Variants in WWC2 observed in about 807,000 individuals in gnomAD.
WWC2 encodes protein WWC2.
Under a neutral mutation model 138.5 loss-of-function variants are expected in WWC2, and 101 were observed. That is an observed-to-expected ratio of 0.73 (90% CI 0.62 to 0.86). The LOEUF is 0.86. WWC2 is among the 40% of genes least tolerant of loss of function. The pLI, the probability that WWC2 is intolerant of heterozygous loss-of-function variation, is 0.00. For missense variants in WWC2, 1,420 were observed against 1,419.4 expected (o/e 1.00, Z -0.01); for synonymous variants, 558 against 538.4 (o/e 1.04, Z -0.50).
At chr4:183,142,775 C>T (rs1404146470) in intron 1 of WWC2, among the ~76,000 whole-genome samples, 3 of 152,206 alleles carry the variant, frequency 2.0e-5, no homozygotes, top group Non-Finnish European at 4.4e-5. Flanking sequence ...TATGTTCTGG[C>T]TTACATTCAG....
chr4:183,193,286 G>C (rs1446497921), intron 1 of WWC2, among the ~76,000 whole-genome samples: 2 of 152,020 alleles, frequency 1.3e-5, no homozygotes, highest in Non-Finnish European at 2.9e-5. Flanking sequence ...TTTTTAATGG[G>C]GTATCTGTTT....
chr4:183,122,089 A>T (rs1037073604), intron 1 of WWC2, among the ~76,000 whole-genome samples: 13 of 152,070 alleles, frequency 8.5e-5, no homozygotes, highest in Non-Finnish European at 1.8e-4. Flanking sequence ...CCAGCCAAGA[A>T]GCATTTTTTT....
At chr4:183,219,626 T>C (rs1178816965) in intron 4 of WWC2, among the ~76,000 whole-genome samples, 1 of 152,306 alleles carries the variant, frequency 6.6e-6, no homozygotes, top group East Asian at 1.9e-4. Context: ...CATCACAGAA[T>C]GGGGGAGAAC....
At position 183,248,564 on chromosome 4, in the gene WWC2, T is replaced by G. The variant is rs1736869118; in HGVS notation, c.733-150T>G. On this transcript the variant is annotated intron_variant, in intron 6 of 22. Transcript: ENST00000403733. Reference sequence around the variant, plus strand: ...GTGCAAAATTATATCCTGCTGTTATTTTTTCAATTATATAAAATGGTAAGT... The same window carrying G: ...GTGCAAAATTATATCCTGCTGTTATGTTTTCAATTATATAAAATGGTAAGT... 6 of 758,356 alleles carry G rather than the reference T, an allele frequency of 7.9e-6. No homozygotes were observed. The South Asian group carries it at 1.6e-4, about 20-fold the overall frequency. 47.0% of individuals were successfully genotyped at this position (758,356 alleles called of 1,614,324 possible).
At chr4:183,186,265 T>C (rs74643031) in intron 1 of WWC2, among the ~76,000 whole-genome samples, 1 of 152,176 alleles carries the variant, frequency 6.6e-6, no homozygotes, top group Non-Finnish European at 1.5e-5. Flanking sequence ...ATTGTAAGCA[T>C]TGAAGCTTTT....
At chr4:183,187,238 A>G (rs1049055561) in intron 1 of WWC2, among the ~76,000 whole-genome samples, 2 of 152,100 alleles carry the variant, frequency 1.3e-5, no homozygotes, top group African/African-American at 4.8e-5. Flanking sequence ...GATGTGTCAC[A>G]TACAGAATTA....
intron 1 of WWC2, among the ~76,000 whole-genome samples, chr4:183,139,002 T>C (rs1473878094): frequency 6.6e-6 from 1 of 152,198 alleles, no homozygotes; most frequent in African/African-American, 2.4e-5. Context: ...CTAGTCAAAC[T>C]TACAGAAGAT....
At chr4:183,252,991 C>G (rs1372411508) in intron 8 of WWC2, among the ~76,000 whole-genome samples, 1 of 152,152 alleles carries the variant, frequency 6.6e-6, no homozygotes, top group Non-Finnish European at 1.5e-5. Context: ...CTTAGCCTCC[C>G]AAGGAGCAGG....
intron 6 of WWC2, among the ~76,000 whole-genome samples, chr4:183,247,632 A>AC (rs1736831171): frequency 7.3e-6 from 1 of 136,756 alleles, no homozygotes; most frequent in Non-Finnish European, 1.6e-5. Context: ...ACTATATACT[A>AC]TATATACTAT....
rs1257303731 is a variant in WWC2 at position 183,319,095 on chromosome 4, T to A, written c.*3366T>A. The A allele has an allele frequency of 6.3e-6, 1 of 158,702 alleles. No individual in the cohort carries two copies. 9.8% of individuals were successfully genotyped at this position (158,702 alleles called of 1,614,324 possible). A position where few individuals can be genotyped will look rare whatever the true frequency, so the allele number is the denominator to read the frequency against. On this transcript the variant is annotated 3_prime_UTR_variant, in exon 23 of 23. Coordinates refer to ENST00000403733, the MANE Select transcript of WWC2 (RefSeq NM_024949.6). ...AGATGATGTGTCTACACCTTTCACC[T>A]CTGAAGCTTCTAAAGAGCTAGTAAT...
intron 1 of WWC2, among the ~76,000 whole-genome samples, chr4:183,186,634 A>G (rs1734809856): frequency 6.6e-6 from 1 of 152,184 alleles, no homozygotes; most frequent in Admixed American, 6.5e-5. Context: ...ATGAGACTGC[A>G]GAGTAGAGAG....
intron 1 of WWC2, among the ~76,000 whole-genome samples, chr4:183,115,690 G>A (rs940180144): frequency 6.6e-6 from 1 of 151,970 alleles, no homozygotes; most frequent in African/African-American, 2.4e-5. Context: ...TTTTTTATGG[G>A]GTTGTTTGTT....
intron 21 of WWC2, among the ~76,000 whole-genome samples, chr4:183,310,089 T>G (rs543962792): frequency 6.6e-6 from 1 of 152,292 alleles, no homozygotes; most frequent in East Asian, 1.9e-4. Flanking sequence ...CAGGGGAATT[T>G]TAAAGCAGTG....
chr4:183,118,936 C>T (rs1341498541), intron 1 of WWC2, among the ~76,000 whole-genome samples: 2 of 149,900 alleles, frequency 1.3e-5, no homozygotes, highest in Admixed American at 1.3e-4. Flanking sequence ...TTTTTGTAAT[C>T]CTGTCTCTCA....
chr4:183,239,336 A>G (rs1736541263), intron 4 of WWC2, among the ~76,000 whole-genome samples: 1 of 151,992 alleles, frequency 6.6e-6, no homozygotes, highest in Non-Finnish European at 1.5e-5. Flanking sequence ...AACAAACAAC[A>G]GAAAAAAACT....
intron 21 of WWC2, among the ~76,000 whole-genome samples, chr4:183,311,006 G>A (rs919816870): frequency 6.6e-6 from 1 of 152,054 alleles, no homozygotes; most frequent in African/African-American, 2.4e-5. Context: ...GACACCAGAA[G>A]GTCAAGCAAC....
At chr4:183,123,735 A>C (rs987136579) in intron 1 of WWC2, among the ~76,000 whole-genome samples, 7 of 152,136 alleles carry the variant, frequency 4.6e-5, no homozygotes, top group Admixed American at 3.3e-4. Context: ...AATTTTCCAC[A>C]TGCCTTTTCA....
In WWC2 at chr4:183,116,591, C is replaced by T. The variant is rs143820122; in HGVS notation, c.131+16969C>T. On this transcript the variant is annotated intron_variant, in intron 1 of 22. Coordinates refer to ENST00000403733, the MANE Select transcript of WWC2 (RefSeq NM_024949.6). ...ATTCCTGCTAGGAAAGGCCTTTGGCCGCCTCCCTGGCTTTGGAAGATAGAG... is the reference window on the plus strand; with the variant it reads ...ATTCCTGCTAGGAAAGGCCTTTGGCTGCCTCCCTGGCTTTGGAAGATAGAG... 1.6e-4 allele frequency among the ~76,000 whole-genome samples: 24 copies of T among 152,324 alleles called. 1 individual carries two copies. Among genetic ancestry groups the T allele is most frequent in the South Asian group, 1.2e-3 (6 of 4,818 alleles).
At chr4:183,285,845 C>T in intron 19 of WWC2, 122 bp from the exon 20 acceptor site, 4 of 853,706 alleles carry the variant, frequency 4.7e-6, no homozygotes, top group Non-Finnish European at 7.2e-6. Context: ...AGGGGATTTT[C>T]TTAAAGAAAT....
Sources: allele counts gnomAD v4.1 joint callset (sites outside exome capture counted in the v4.1 genomes callset), GRCh38; gene constraint gnomAD v4.1.1; transcripts MANE v1.5; gene names NCBI Gene and HGNC (gene_info 2026-07-23, HGNC 2026-07-21).